The following CTNNA1 variants were observed in gnomAD, a reference collection of about 807,000 sequenced individuals.
CTNNA1 encodes catenin alpha-1.
CTNNA1 carries 37 observed loss-of-function variants against 98.4 expected under a neutral mutation model. The ratio of observed to expected loss-of-function variants is 0.38; its 90% CI spans 0.29 to 0.49. The LOEUF (loss-of-function observed/expected upper bound fraction) is 0.49, where lower values mean the gene tolerates loss of function less well. CTNNA1 is among the 20% of genes least tolerant of loss of function. The probability of loss-of-function intolerance (pLI) is 0.95; values close to 1 mark genes in which losing one functional copy is unlikely to be tolerated. For synonymous variants in CTNNA1, 404 were observed against 413.2 expected (o/e 0.98, Z 0.27); for missense variants, 761 against 1,147.2 (o/e 0.66, Z 4.86).
At chr5:138,928,877 T>C (rs1459665344) in intron 13 of CTNNA1, among the ~76,000 whole-genome samples, 1 of 152,026 alleles carries the variant, frequency 6.6e-6, no homozygotes, top group Non-Finnish European at 1.5e-5. Context: ...GGAGGTTGCA[T>C]TGATTCCAAG....
At chr5:138,809,583 T>C (rs182783972) in intron 3 of CTNNA1, among the ~76,000 whole-genome samples, 4 of 152,366 alleles carry the variant, frequency 2.6e-5, no homozygotes, top group African/African-American at 9.6e-5. Flanking sequence ...GTTATGGCTG[T>C]ACACATCATG....
At position 138,808,211 on chromosome 5, in the gene CTNNA1, G is replaced by T. The variant is rs869312576; in HGVS notation, c.302-1827G>T. Among the ~76,000 whole-genome samples, 1 of 152,096 alleles carries T rather than the reference G, an allele frequency of 6.6e-6. No homozygotes were observed. ...TGCATTGTAATACTCTATAATTTGTGAACCCTTTGAGACCAAATGCCGTGT... is the reference window on the plus strand; with the variant it reads ...TGCATTGTAATACTCTATAATTTGTTAACCCTTTGAGACCAAATGCCGTGT... On this transcript the variant is annotated intron_variant, in intron 3 of 17. Coordinates refer to ENST00000302763, the MANE Select transcript of CTNNA1 (RefSeq NM_001903.5).
intron 3 of CTNNA1, 33 bp from the exon 4 acceptor site, chr5:138,810,005 C>T (rs377715021): frequency 5.7e-6 from 9 of 1,571,822 alleles, no homozygotes; most frequent in Non-Finnish European, 7.8e-6. Context: ...TGAGTTCATT[C>T]TTGCTGAGTT....
At chr5:138,756,325 C>G (rs988478308) in intron 1 of CTNNA1, among the ~76,000 whole-genome samples, 8 of 152,012 alleles carry the variant, frequency 5.3e-5, no homozygotes, top group Non-Finnish European at 1.2e-4. Context: ...GCCACCGTGC[C>G]CAGCCTGATT....
In CTNNA1 at chr5:138,787,538, T is replaced by G. The variant is rs193284736; in HGVS notation, c.301+4166T>G. Among the ~76,000 whole-genome samples the G allele has an allele frequency of 4.4e-3, 672 of 152,330 alleles. 10 individuals carry two copies. The highest frequency in any genetic ancestry group is 0.01 in the African/African-American group (433 of 41,568). On this transcript the variant is annotated intron_variant, in intron 3 of 17. Transcript: ENST00000302763. ...GGGGATGGCTGTGTTCTAATAACAT[T>G]TAGAAAAATTACAGGCTATAGTTTG...
intron 4 of CTNNA1, chr5:138,811,978 T>C (rs1471991632): frequency 2.2e-5 from 10 of 454,588 alleles, no homozygotes; most frequent in Non-Finnish European, 4.0e-5. Context: ...TTTGTACTTT[T>C]AGAGGCCAAT....
intron 7 of CTNNA1, chr5:138,875,113 G>T: frequency 1.9e-6 from 1 of 531,690 alleles, no homozygotes. Context: ...TTCATTTTCT[G>T]TGATTGCTCT....
chr5:138,807,873 G>T (rs989950427), intron 3 of CTNNA1, among the ~76,000 whole-genome samples: 1 of 151,782 alleles, frequency 6.6e-6, no homozygotes, highest in African/African-American at 2.4e-5. Context: ...TCAGCCTCCC[G>T]AGTAGCTGGG....
intron 3 of CTNNA1, among the ~76,000 whole-genome samples, chr5:138,789,049 C>T (rs557412251): frequency 3.9e-5 from 6 of 152,252 alleles, no homozygotes; most frequent in African/African-American, 1.4e-4. Flanking sequence ...ATAGATTATT[C>T]GTGCACTGAG....
intron 7 of CTNNA1, chr5:138,869,325 A>G (rs890214114): frequency 1.3e-5 from 2 of 151,846 alleles, no homozygotes; most frequent in African/African-American, 4.8e-5. Flanking sequence ...GCCCCAGGTT[A>G]GATAGAGAAA....
At chr5:138,894,357 C>T (rs1405200766) in intron 9 of CTNNA1, among the ~76,000 whole-genome samples, 1 of 149,864 alleles carries the variant, frequency 6.7e-6, no homozygotes, top group African/African-American at 2.5e-5. Flanking sequence ...TCATGGCTCA[C>T]TGAAGCCTTG....
rs141656717 is a variant in CTNNA1, at chr5:138,893,595, T to C, written c.1296+5953T>C. Among the ~76,000 whole-genome samples the C allele has an allele frequency of 1.3e-4, 20 of 151,588 alleles. No individual in the cohort carries two copies. The East Asian group carries it at 3.9e-3, about 29-fold the overall frequency. On this transcript the variant is annotated intron_variant, in intron 9 of 17. Transcript: ENST00000302763. ...TTTTATTTTTATTTTATTTATTTAT[T>C]ATTTTTTCTTATTTAATTATTTTTT... is the stretch of plus-strand genomic sequence containing the variant.
intron 17 of CTNNA1, among the ~76,000 whole-genome samples, chr5:138,933,412 T>A (rs1765839998): frequency 6.6e-6 from 1 of 152,178 alleles, no homozygotes; most frequent in Non-Finnish European, 1.5e-5. Context: ...ATATTGAACA[T>A]ATTGAGACCA....
At chr5:138,931,101 G>A (rs940793305) in intron 16 of CTNNA1, 166 bp downstream of exon 16, 14 of 607,104 alleles carry the variant, frequency 2.3e-5, no homozygotes, top group African/African-American at 1.1e-4. Context: ...TCTCTAGAGC[G>A]GATGTGTATG....
At position 138,839,660 on chromosome 5, in the gene CTNNA1, T is replaced by A. The variant is rs79622391; in HGVS notation, c.1062+11942T>A. 4.3e-3 allele frequency among the ~76,000 whole-genome samples: 658 copies of A among 152,344 alleles called. 1 individual carries two copies. The highest frequency in any genetic ancestry group is 0.015 in the African/African-American group (619 of 41,574). The stretch of plus-strand genomic sequence containing the variant: ...TGCAGTCTCCAACTTTAATTGTAGA[T>A]TCGACCATTCTTTATTTCAATTCTT... On this transcript the variant is annotated intron_variant, in intron 7 of 17. Transcript: ENST00000302763.
chr5:138,847,833 A>AT (rs1762864295), intron 7 of CTNNA1, among the ~76,000 whole-genome samples: 1 of 152,190 alleles, frequency 6.6e-6, no homozygotes, highest in African/African-American at 2.4e-5. Context: ...CTTAATAGTC[A>AT]TTAAGTTTGT....
At chr5:138,776,644 CCCGGACGGGGCGGCTGG>C (rs1375193549) in intron 1 of CTNNA1, among the ~76,000 whole-genome samples, 1 of 151,848 alleles carries the variant, frequency 6.6e-6, no homozygotes, top group Non-Finnish European at 1.5e-5. Flanking sequence ...CCCCTCACCT[CCCGGACGGGGCGGCTGG>C]CCGGGCGGGG....
intron 9 of CTNNA1, among the ~76,000 whole-genome samples, chr5:138,889,210 A>G (rs1754803041): frequency 6.6e-6 from 1 of 152,148 alleles, no homozygotes; most frequent in Admixed American, 6.5e-5. Flanking sequence ...GGCCTTGGGT[A>G]CCAGTGTGGT....
chr5:138,847,941 AT>A (rs1762874178), intron 7 of CTNNA1, among the ~76,000 whole-genome samples: 1 of 152,132 alleles, frequency 6.6e-6, no homozygotes, highest in Admixed American at 6.5e-5. Flanking sequence ...AGCACTTATA[AT>A]TACCTGTGTT....
Sources: gnomAD v4.1 joint callset for allele counts (sites outside exome capture counted in the v4.1 genomes callset) on GRCh38, gnomAD v4.1.1 for gene constraint, MANE v1.5 for transcripts, NCBI Gene and HGNC (gene_info 2026-07-23, HGNC 2026-07-21) for gene names.